The following CHN2 variants were observed in gnomAD, a reference collection of about 807,000 sequenced individuals.
CHN2 encodes the protein chimerin 2, also known as beta-chimaerin.
In CHN2, 35 loss-of-function variants were observed where a neutral mutation model predicts 56.3. The ratio of observed to expected loss-of-function variants is 0.62; its 90% CI spans 0.47 to 0.82. The LOEUF is 0.82. Ranked by LOEUF, CHN2 falls within the 40% of genes least tolerant of loss-of-function variation. The probability of loss-of-function intolerance (pLI) is 0.00; values close to 1 mark genes in which losing one functional copy is unlikely to be tolerated. For missense variants in CHN2, 491 were observed against 580.5 expected (o/e 0.85, Z 1.58); for synonymous variants, 210 against 212.8 (o/e 0.99, Z 0.12).
At chr7:29,239,106 C>T (rs1380643578) in intron 1 of CHN2, among the ~76,000 whole-genome samples, 2 of 152,086 alleles carry the variant, frequency 1.3e-5, no homozygotes, top group East Asian at 3.9e-4. Context: ...GAGGCATGGG[C>T]AGAATTAGGT....
At chr7:29,365,707 C>T (rs1017480232) in intron 2 of CHN2, among the ~76,000 whole-genome samples, 2 of 152,154 alleles carry the variant, frequency 1.3e-5, no homozygotes. Flanking sequence ...GAGCAGAGAG[C>T]ATGACACATG....
intron 6 of CHN2, 102 bp from the exon 7 acceptor site, chr7:29,480,177 G>A (rs1392559459): frequency 6.2e-6 from 10 of 1,606,338 alleles, no homozygotes; most frequent in Non-Finnish European, 7.7e-6. Flanking sequence ...GTCTAAGCAG[G>A]GCAGGAAACG....
intron 2 of CHN2, among the ~76,000 whole-genome samples, chr7:29,177,529 C>T (rs187853170): frequency 3.3e-5 from 5 of 151,714 alleles, no homozygotes; most frequent in Admixed American, 3.3e-4. Flanking sequence ...GCTGGGATTA[C>T]AGGCATGACC....
At chr7:29,473,892 A>AT (rs1182259956) in intron 6 of CHN2, among the ~76,000 whole-genome samples, 2 of 152,196 alleles carry the variant, frequency 1.3e-5, no homozygotes, top group Non-Finnish European at 2.9e-5. Context: ...TGCACACTAA[A>AT]TCTAATAAGA....
chr7:29,301,108 A>C (rs1471760242), intron 1 of CHN2, among the ~76,000 whole-genome samples: 1 of 152,180 alleles, frequency 6.6e-6, no homozygotes, highest in Non-Finnish European at 1.5e-5. Flanking sequence ...TAGTCCCCTA[A>C]TAAACACAGA....
At chr7:29,391,317 G>A (rs1003746587) in intron 3 of CHN2, among the ~76,000 whole-genome samples, 1 of 142,068 alleles carries the variant, frequency 7.0e-6, no homozygotes, top group Non-Finnish European at 1.5e-5. Context: ...GAGAGGGAGG[G>A]AGGTAGGAAG....
chr7:29,314,817 A>G (rs1427121564), intron 1 of CHN2, among the ~76,000 whole-genome samples: 11 of 151,664 alleles, frequency 7.3e-5, no homozygotes, highest in Admixed American at 6.6e-4. Flanking sequence ...ACTGCTGTTT[A>G]TTTTTCTAGC....
chr7:29,355,567 A>C (rs1408995115), intron 2 of CHN2, among the ~76,000 whole-genome samples: 1 of 151,776 alleles, frequency 6.6e-6, no homozygotes, highest in Non-Finnish European at 1.5e-5. Context: ...CCAGTGAGAG[A>C]GGGCAGGACT....
intron 6 of CHN2, among the ~76,000 whole-genome samples, chr7:29,439,973 G>T (rs984710409): frequency 4.6e-5 from 7 of 152,190 alleles, no homozygotes; most frequent in African/African-American, 1.7e-4. Flanking sequence ...AGTAAGAGAA[G>T]GAGCTGGGAC....
At chr7:29,371,563 C>T (rs543698593) in intron 3 of CHN2, among the ~76,000 whole-genome samples, 41 of 152,250 alleles carry the variant, frequency 2.7e-4, no homozygotes, top group Admixed American at 7.2e-4. Flanking sequence ...CAAATGTGTG[C>T]CTGGGTTGTC....
At chr7:29,191,684 CTT>C (rs1782916227), upstream of CHN2, 2 of 152,348 alleles carry the variant, frequency 1.3e-5, no homozygotes, top group Admixed American at 1.3e-4. Context: ...GCAGAAATGT[CTT>C]TTAAAATTCT....
At chr7:29,251,811 T>A (rs73309961) in intron 1 of CHN2, among the ~76,000 whole-genome samples, 1,553 of 152,308 alleles carry the variant, frequency 0.01, 28 homozygotes, top group African/African-American at 0.036. Context: ...AGTAAGGTAT[T>A]CATCACAAAA....
intron 1 of CHN2, among the ~76,000 whole-genome samples, chr7:29,272,572 A>G (rs1299105050): frequency 1.3e-5 from 2 of 152,138 alleles, no homozygotes; most frequent in Non-Finnish European, 2.9e-5. Context: ...GGAGGAAGGA[A>G]GGCTTCCACT....
At chr7:29,359,765 T>C (rs1248113379) in intron 2 of CHN2, among the ~76,000 whole-genome samples, 1 of 152,232 alleles carries the variant, frequency 6.6e-6, no homozygotes, top group Admixed American at 6.5e-5. Context: ...AGCTACATTC[T>C]AAACTTTAAG....
chr7:29,465,929 C>T (rs1030485322), intron 6 of CHN2, among the ~76,000 whole-genome samples: 6 of 152,138 alleles, frequency 3.9e-5, no homozygotes, highest in Admixed American at 3.9e-4. Flanking sequence ...ACAGGCCGAG[C>T]GCAGTGGCTC....
rs76724004 is a variant in CHN2, at chr7:29,168,122, C to A, written c.274+21162C>A. Among the ~76,000 whole-genome samples, 1,392 of 152,290 alleles carry A rather than the reference C, an allele frequency of 9.1e-3. 22 individuals carry two copies. The highest frequency in any genetic ancestry group is 0.032 in the African/African-American group (1,331 of 41,558). On this transcript the variant is annotated intron_variant, in intron 2 of 6. Transcript: ENST00000439384. ...GCATATCATAACATACAGAATATCT[C>A]ATTGTGGTTTTAATTTGCTTTTTCC...
At chr7:29,478,145 G>A (rs1348514515) in intron 6 of CHN2, among the ~76,000 whole-genome samples, 1 of 152,146 alleles carries the variant, frequency 6.6e-6, no homozygotes, top group East Asian at 1.9e-4. Flanking sequence ...TTTTGGAAAG[G>A]GTAGCATTAG....
At chr7:29,394,169 T>C (rs1339946508) in intron 4 of CHN2, among the ~76,000 whole-genome samples, 1 of 152,202 alleles carries the variant, frequency 6.6e-6, no homozygotes, top group Non-Finnish European at 1.5e-5. Flanking sequence ...CAAATGATGA[T>C]ATCTCTTGGC....
intron 6 of CHN2, among the ~76,000 whole-genome samples, chr7:29,416,389 G>A (rs2057739): frequency 0.66 from 101,175 of 152,188 alleles, 34,652 homozygotes; most frequent in Non-Finnish European, 0.74. Context: ...TGGAAATGTT[G>A]TTACTTAAGA....
Sources: gnomAD v4.1 joint callset for allele counts (sites outside exome capture counted in the v4.1 genomes callset) on GRCh38, gnomAD v4.1.1 for gene constraint, MANE v1.5 for transcripts, NCBI Gene and HGNC (gene_info 2026-07-23, HGNC 2026-07-21) for gene names.